KLHL29: variants seen among roughly 807,000 people sequenced by gnomAD.
The protein encoded by KLHL29 is kelch-like protein 29.
Under a neutral mutation model 80.4 loss-of-function variants are expected in KLHL29, and 21 were observed. That is an observed-to-expected ratio of 0.26 (90% CI 0.19 to 0.38). The LOEUF is 0.38. Ranked by LOEUF, KLHL29 falls within the 10% of genes least tolerant of loss-of-function variation. The pLI is 1.00. For missense variants in KLHL29, 867 were observed against 1,223.9 expected (o/e 0.71, Z 4.35); for synonymous variants, 511 against 526.8 (o/e 0.97, Z 0.41).
At chr2:23,447,459 G>T (rs755142848) in intron 1 of KLHL29, among the ~76,000 whole-genome samples, 18 of 152,274 alleles carry the variant, frequency 1.2e-4, no homozygotes, top group South Asian at 4.2e-4. Flanking sequence ...CTTCATCAAT[G>T]CCTCTGCACC....
At chr2:23,576,505 G>T (rs554979342) in intron 3 of KLHL29, among the ~76,000 whole-genome samples, 5 of 152,118 alleles carry the variant, frequency 3.3e-5, no homozygotes, top group Non-Finnish European at 7.4e-5. Flanking sequence ...TTAAAAAGGC[G>T]TTCTGAATTA....
At chr2:23,595,076 G>A (rs1393180924) in intron 3 of KLHL29, among the ~76,000 whole-genome samples, 1 of 152,260 alleles carries the variant, frequency 6.6e-6, no homozygotes, top group Non-Finnish European at 1.5e-5. Flanking sequence ...CGGAGTGTTT[G>A]GAATATCCTG....
chr2:23,562,122 A>G lies in KLHL29; in HGVS notation c.-45-30A>G, dbSNP rs1159377397. 2.6e-6 allele frequency: 4 copies of G among 1,528,898 alleles called. No individual in the cohort carries two copies. The highest frequency in any genetic ancestry group is 3.5e-6 in the Non-Finnish European group (4 of 1,135,174). 94.7% of individuals were successfully genotyped at this position (1,528,898 alleles called of 1,614,324 possible). On this transcript the variant is annotated intron_variant, in intron 2 of 13. Transcript: ENST00000486442. This position sits in a 1 kb window ranked among gnomAD's most constrained non-coding sequence, Gnocchi z 4.5. ...TTGTCGCTGCCTGCTCCAGTCCTAA[A>G]TCACCCTTCTCTCCACCCTGTCACC...
chr2:23,524,886 C>T lies in KLHL29; in HGVS notation c.-45-37266C>T, dbSNP rs114561529. On this transcript the variant is annotated intron_variant, in intron 2 of 13. Transcript: ENST00000486442. ...TTCCATGTGGGGAGGGAGGCCATTT[C>T]TATTTCATGGGGATCTTAAAAGTAA... is the stretch of plus-strand genomic sequence containing the variant. Among the ~76,000 whole-genome samples, 594 of 152,300 alleles carry T rather than the reference C, an allele frequency of 3.9e-3. 4 individuals are homozygous for T. Among genetic ancestry groups the T allele is most frequent in the African/African-American group, 0.014 (574 of 41,562 alleles).
At chr2:23,392,895 CAATATT>C (rs975520429) in intron 1 of KLHL29, among the ~76,000 whole-genome samples, 22 of 152,276 alleles carry the variant, frequency 1.4e-4, no homozygotes, top group African/African-American at 4.6e-4. Flanking sequence ...GCTAAAATAA[CAATATT>C]AATCAAGTCT....
At chr2:23,427,177 C>A (rs1015557864) in intron 1 of KLHL29, among the ~76,000 whole-genome samples, 3 of 152,166 alleles carry the variant, frequency 2.0e-5, no homozygotes, top group African/African-American at 7.2e-5. Flanking sequence ...AATTGCACAG[C>A]CGAAAACTGT....
intron 1 of KLHL29, among the ~76,000 whole-genome samples, chr2:23,434,544 C>T (rs900722446): frequency 6.6e-6 from 1 of 152,106 alleles, no homozygotes; most frequent in Non-Finnish European, 1.5e-5. Context: ...GATGGAAGTT[C>T]TCCTGATTTC....
At chr2:23,701,055 C>T (rs886967807) in intron 11 of KLHL29, among the ~76,000 whole-genome samples, 2 of 152,182 alleles carry the variant, frequency 1.3e-5, no homozygotes, top group Non-Finnish European at 2.9e-5. Flanking sequence ...CTGCACATCT[C>T]CAATCTGTTG....
chr2:23,490,080 C>T (rs373894844), intron 2 of KLHL29, among the ~76,000 whole-genome samples: 35 of 152,238 alleles, frequency 2.3e-4, no homozygotes, highest in African/African-American at 7.0e-4. Context: ...CTGGGGGAGC[C>T]TCCGTGGGCG....
At chr2:23,449,390 C>T (rs1450072582) in intron 1 of KLHL29, among the ~76,000 whole-genome samples, 4 of 152,176 alleles carry the variant, frequency 2.6e-5, no homozygotes, top group African/African-American at 9.7e-5. Flanking sequence ...AAACAGTAGA[C>T]ATGTAATATT....
intron 1 of KLHL29, among the ~76,000 whole-genome samples, chr2:23,438,956 G>A (rs1356372098): frequency 2.7e-5 from 4 of 146,274 alleles, no homozygotes; most frequent in African/African-American, 1.0e-4. Flanking sequence ...CTTTTTGGTA[G>A]GTAAGCTATT....
At chr2:23,550,735 G>A (rs976815180) in intron 2 of KLHL29, among the ~76,000 whole-genome samples, 3 of 152,220 alleles carry the variant, frequency 2.0e-5, no homozygotes, top group African/African-American at 7.2e-5. Context: ...TAGAGAGAAG[G>A]CATCAGTCTT....
At chr2:23,667,103 T>C (rs913851696) in intron 5 of KLHL29, 2 of 152,208 alleles carry the variant, frequency 1.3e-5, no homozygotes, top group African/African-American at 4.8e-5. Context: ...CACCTGTCAT[T>C]AACCCGGGCA....
At chr2:23,689,449 T>G (rs867009296) in intron 6 of KLHL29, 3 of 152,640 alleles carry the variant, frequency 2.0e-5, no homozygotes, top group African/African-American at 7.2e-5. Flanking sequence ...AGCCATGGAC[T>G]GTCCGTCTGC....
chr2:23,597,401 ATATATATTTTTTTTTTTT>A (rs1668449630), intron 3 of KLHL29, among the ~76,000 whole-genome samples: 1 of 55,300 alleles, frequency 1.8e-5, no homozygotes, highest in African/African-American at 6.7e-5. Context: ...ATATATATAT[ATATATATTTTTTTTTTTT>A]TTTTTTTTTT....
Position 23,568,696 on chromosome 2 carries a change from C to A in KLHL29, c.285+6215C>A, listed in dbSNP as rs556897845. Among the ~76,000 whole-genome samples, 4 of 152,328 alleles carry A rather than the reference C, an allele frequency of 2.6e-5. No homozygotes were observed. In the East Asian group the frequency reaches 7.7e-4, roughly 29 times the overall value. ...AGGAGTGGGCAAAGAGACCCCACCT[C>A]TTGATGGGAGATACTGCAACACCAC... is the stretch of plus-strand genomic sequence containing the variant. On this transcript the variant is annotated intron_variant, in intron 3 of 13. Coordinates refer to ENST00000486442, the MANE Select transcript of KLHL29 (RefSeq NM_052920.2).
At chr2:23,539,379 G>T (rs1293179259) in intron 2 of KLHL29, among the ~76,000 whole-genome samples, 1 of 149,724 alleles carries the variant, frequency 6.7e-6, no homozygotes, top group Non-Finnish European at 1.5e-5. Context: ...AGAAAAATGA[G>T]ACAATAATAA....
At chr2:23,663,707 A>C (rs1670481850) in intron 5 of KLHL29, among the ~76,000 whole-genome samples, 1 of 152,206 alleles carries the variant, frequency 6.6e-6, no homozygotes, top group Admixed American at 6.5e-5. Flanking sequence ...TCTGCGATAT[A>C]AATAAACTTC....
At chr2:23,479,861 G>C (rs1280353769) in intron 2 of KLHL29, among the ~76,000 whole-genome samples, 1 of 152,152 alleles carries the variant, frequency 6.6e-6, no homozygotes, top group African/African-American at 2.4e-5. Context: ...TTCTCTACAA[G>C]CCCGGCACAG....
Sources: allele counts gnomAD v4.1 joint callset (sites outside exome capture counted in the v4.1 genomes callset), GRCh38; gene constraint gnomAD v4.1.1; non-coding constraint Gnocchi (gnomAD v3.1); transcripts MANE v1.5; gene names NCBI Gene and HGNC (gene_info 2026-07-23, HGNC 2026-07-21).